CHN1: variants seen among roughly 807,000 people sequenced by gnomAD.
The protein encoded by CHN1 is chimerin 1.
In CHN1, 37 loss-of-function variants were observed where a neutral mutation model predicts 59.5. The observed-to-expected ratio is 0.62, with a 90% CI of 0.48 to 0.82. The LOEUF (loss-of-function observed/expected upper bound fraction) is 0.82. CHN1 is among the 40% of genes least tolerant of loss of function. CHN1 has a pLI of 0.00. For synonymous variants in CHN1, 206 were observed against 200.4 expected, an observed-to-expected ratio of 1.03 and a Z score of -0.24; for missense variants, 469 against 571.0, an observed-to-expected ratio of 0.82 and a Z score of 1.82.
At chr2:174,922,232 A>G (rs564941817) in intron 3 of CHN1, among the ~76,000 whole-genome samples, 1 of 152,348 alleles carries the variant, frequency 6.6e-6, no homozygotes, top group African/African-American at 2.4e-5. Flanking sequence ...TTAATTTTCT[A>G]TAGCATTATA....
intron 8 of CHN1, among the ~76,000 whole-genome samples, chr2:174,817,633 T>C (rs943620194): frequency 3.3e-5 from 5 of 150,576 alleles, no homozygotes; most frequent in Admixed American, 6.6e-5. Flanking sequence ...AGCTGATTTT[T>C]TTTTCTTTTT....
intron 1 of CHN1, among the ~76,000 whole-genome samples, chr2:174,968,414 T>C (rs896942251): frequency 2.2e-4 from 34 of 152,220 alleles, no homozygotes; most frequent in African/African-American, 7.5e-4. Flanking sequence ...AAGTCAGACA[T>C]GGAAGTAATA....
chr2:174,852,276 T>C (rs866521461), intron 6 of CHN1, among the ~76,000 whole-genome samples: 101 of 151,870 alleles, frequency 6.7e-4, no homozygotes, highest in African/African-American at 2.3e-3. Flanking sequence ...GTGACAGAGA[T>C]TCTGTCTCAA....
intron 7 of CHN1, among the ~76,000 whole-genome samples, chr2:174,840,961 G>C (rs1574076827): frequency 6.6e-6 from 1 of 152,108 alleles, no homozygotes; most frequent in African/African-American, 2.4e-5. Flanking sequence ...CAGCGAGGCA[G>C]TATAATACAG....
rs781708720 is a variant in CHN1 at position 174,799,844 on chromosome 2, G to T, written c.*272C>A. ...AGGTTTGTTGTTTCTTCTGTATGGG[G>T]TTTCCTTGCCAGATAGGGGGCTAAT... On this transcript the variant is annotated 3_prime_UTR_variant, in exon 13 of 13. Transcript: ENST00000409900. 1 of 574,746 alleles carries T rather than the reference G, an allele frequency of 1.7e-6. No homozygotes were observed. The allele number at this position is 574,746 out of a possible 1,614,324, so 35.6% of individuals were successfully genotyped here.
intron 6 of CHN1, among the ~76,000 whole-genome samples, chr2:174,848,840 A>C (rs1686631727): frequency 6.6e-6 from 1 of 152,224 alleles, no homozygotes; most frequent in African/African-American, 2.4e-5. Context: ...ATATACTTAG[A>C]TAATTAATAT....
intron 7 of CHN1, among the ~76,000 whole-genome samples, chr2:174,828,195 TGAG>T (rs777767417): frequency 1.3e-5 from 2 of 152,106 alleles, no homozygotes; most frequent in South Asian, 4.2e-4. Flanking sequence ...ATGGAGCAAA[TGAG>T]GAGTTTTGGC....
At chr2:174,874,569 C>T (rs1024993055) in intron 6 of CHN1, among the ~76,000 whole-genome samples, 2 of 152,112 alleles carry the variant, frequency 1.3e-5, no homozygotes, top group African/African-American at 4.8e-5. Flanking sequence ...AACCATCCTG[C>T]CAAGCCTTTC....
At chr2:174,832,680 A>C (rs891449994) in intron 7 of CHN1, among the ~76,000 whole-genome samples, 1 of 152,090 alleles carries the variant, frequency 6.6e-6, no homozygotes, top group Non-Finnish European at 1.5e-5. Flanking sequence ...GCTTTGTATG[A>C]CTTTAACCCT....
intron 5 of CHN1, among the ~76,000 whole-genome samples, chr2:174,904,102 A>C (rs1688469138): frequency 6.6e-6 from 1 of 151,606 alleles, no homozygotes; most frequent in Non-Finnish European, 1.5e-5. Flanking sequence ...GTCTCTACTA[A>C]AAAATACAAA....
chr2:174,979,185 A>T (rs1459186833), intron 1 of CHN1, among the ~76,000 whole-genome samples: 1 of 152,224 alleles, frequency 6.6e-6, no homozygotes, highest in African/African-American at 2.4e-5. Context: ...AACAGTCAAG[A>T]TATTTTACAG....
At chr2:174,821,841 A>C (rs376619209) in intron 8 of CHN1, 1 of 363,786 alleles carries the variant, frequency 2.7e-6, no homozygotes, top group Non-Finnish European at 5.5e-6. Flanking sequence ...TGTCATAGCA[A>C]CCCAAAACTC....
chr2:174,940,623 TA>T (rs1018284432), intron 3 of CHN1, among the ~76,000 whole-genome samples: 32 of 152,294 alleles, frequency 2.1e-4, no homozygotes, highest in African/African-American at 7.7e-4. Flanking sequence ...ATTCGTACTT[TA>T]TAACTAGATT....
At chr2:174,913,887 G>A (rs191050210) in intron 5 of CHN1, among the ~76,000 whole-genome samples, 1 of 152,106 alleles carries the variant, frequency 6.6e-6, no homozygotes, top group East Asian at 1.9e-4. Context: ...TCATATATTT[G>A]ACCTCTGTCT....
intron 5 of CHN1, among the ~76,000 whole-genome samples, chr2:174,886,423 G>GT (rs1687896303): frequency 6.6e-6 from 1 of 152,020 alleles, no homozygotes; most frequent in African/African-American, 2.4e-5. Context: ...TAAACTTCTA[G>GT]TTCTTAGATC....
At chr2:174,839,679 C>T (rs1686219814) in intron 7 of CHN1, among the ~76,000 whole-genome samples, 1 of 151,648 alleles carries the variant, frequency 6.6e-6, no homozygotes, top group Admixed American at 6.6e-5. Context: ...TCACAGCTCA[C>T]AGCAGCCTCG....
Position 174,800,060 on chromosome 2 carries a change from T to G in CHN1, c.*56A>C. 2.1e-6 allele frequency: 3 copies of G among 1,461,572 alleles called. No homozygotes were observed. Among genetic ancestry groups the G allele is most frequent in the Non-Finnish European group, 2.8e-6 (3 of 1,069,306 alleles). The allele number at this position is 1,461,572 out of a possible 1,614,324, so 90.5% of individuals were successfully genotyped here. A position where few individuals can be genotyped will look rare whatever the true frequency, so the allele number is the denominator to read the frequency against. ...ATGCAGCTACAGGAGCAAATTAAATTACTATAAAACATTCCTTCATCTGTA... is the reference window on the plus strand; with the variant it reads ...ATGCAGCTACAGGAGCAAATTAAATGACTATAAAACATTCCTTCATCTGTA... On this transcript the variant is annotated 3_prime_UTR_variant, in exon 13 of 13. Coordinates refer to ENST00000409900, the MANE Select transcript of CHN1 (RefSeq NM_001822.7).
chr2:174,997,218 A>G (rs1691736365), intron 1 of CHN1, among the ~76,000 whole-genome samples: 1 of 152,184 alleles, frequency 6.6e-6, no homozygotes, highest in South Asian at 2.1e-4. Flanking sequence ...GTACTCATCT[A>G]GTTTCTACAC....
chr2:174,854,908 A>G (rs1260465426), intron 6 of CHN1, among the ~76,000 whole-genome samples: 1 of 152,180 alleles, frequency 6.6e-6, no homozygotes, highest in Non-Finnish European at 1.5e-5. Context: ...TTAGGGACAC[A>G]TTATAAGCAT....
Sources: gnomAD v4.1 joint callset for allele counts (sites outside exome capture counted in the v4.1 genomes callset) on GRCh38, gnomAD v4.1.1 for gene constraint, MANE v1.5 for transcripts, NCBI Gene and HGNC (gene_info 2026-07-23, HGNC 2026-07-21) for gene names.